PDE4D: variants seen among roughly 807,000 people sequenced by gnomAD.
PDE4D encodes the protein phosphodiesterase 4D, also known as 3',5'-cyclic-AMP phosphodiesterase 4D.
PDE4D carries 24 observed loss-of-function variants against 87.4 expected under a neutral mutation model. The observed-to-expected ratio is 0.27, with a 90% CI of 0.20 to 0.39. The LOEUF is 0.39. Ranked by LOEUF, PDE4D falls within the 10% of genes least tolerant of loss-of-function variation. The pLI is 1.00. For synonymous variants in PDE4D, 384 were observed against 383.2 expected, an observed-to-expected ratio of 1.00 and a Z score of -0.02; for missense variants, 714 against 1,041.0, an observed-to-expected ratio of 0.69 and a Z score of 4.32.
chr5:59,863,032 C>T (rs182412090), intron 1 of PDE4D, among the ~76,000 whole-genome samples: 17 of 152,248 alleles, frequency 1.1e-4, no homozygotes, highest in Admixed American at 9.8e-4. Flanking sequence ...AAACTCTTAT[C>T]GTGTTCTTAA....
chr5:59,402,660 C>T (rs1790877219), intron 1 of PDE4D, among the ~76,000 whole-genome samples: 1 of 152,142 alleles, frequency 6.6e-6, no homozygotes, highest in Non-Finnish European at 1.5e-5. Flanking sequence ...TGCTTTGGTT[C>T]CTTTTATATT....
chr5:59,114,224 T>C (rs998830766), intron 5 of PDE4D, among the ~76,000 whole-genome samples: 1 of 152,182 alleles, frequency 6.6e-6, no homozygotes, highest in African/African-American at 2.4e-5. Context: ...TCACCAAATA[T>C]GATCCCTTTA....
chr5:58,975,725 C>G lies in PDE4D; in HGVS notation c.1945G>C (p.Glu649Gln). 1 of 1,613,414 alleles carries G rather than the reference C, an allele frequency of 6.2e-7. No individual in the cohort carries two copies. The highest frequency in any genetic ancestry group is 8.5e-7 in the Non-Finnish European group (1 of 1,179,568). The change falls in exon 14 of 15, where the codon GAG (glutamate) becomes CAG (glutamine). Residue 649 changes from glutamate (E) to glutamine (Q), a missense_variant. Around this residue, in one of 7 missense-constraint regions of PDE4D, gnomAD observed 97 missense variants for 176.9 expected, o/e 0.55. Transcript: ENST00000340635. The surrounding 1 kb of genome is among the most constrained non-coding windows in gnomAD (Gnocchi z 4.2). ...CTTATCTCCATGCCACGTTCCCTCT[C>G]TCGGTCTCCTTGGCGGAAGAACTCC... ...MEEFFRQGDR[E>Q]RERGMEISPM...
chr5:59,031,707 CAAAAAAAAAA>C lies in PDE4D; in HGVS notation c.921+7142_921+7151del, dbSNP rs70973183. Among the ~76,000 whole-genome samples, 28 of 16,686 alleles carry C rather than the reference CAAAAAAAAAA, an allele frequency of 1.7e-3. No individual in the cohort carries two copies. In the South Asian group the frequency reaches 0.019, roughly 11 times the overall value. The allele number at this position is 16,686 out of a possible 152,430, so 10.9% of individuals were successfully genotyped here. On this transcript the variant is annotated intron_variant, in intron 6 of 14. Coordinates refer to ENST00000340635, the MANE Select transcript of PDE4D (RefSeq NM_001104631.2). Reference sequence around the variant, plus strand: ...TGGGCTACAAAGCGAGACTCCACCTCAAAAAAAAAAAAAAAAAAAAAAAAAAAAGATTACA... The same window carrying C: ...TGGGCTACAAAGCGAGACTCCACCTCAAAAAAAAAAAAAAAAAAGATTACA...
intron 1 of PDE4D, among the ~76,000 whole-genome samples, chr5:60,239,286 G>C (rs1746797538): frequency 1.3e-5 from 2 of 152,028 alleles, no homozygotes; most frequent in African/African-American, 2.4e-5. Flanking sequence ...TCTAAACCTA[G>C]TATATTTATT....
intron 1 of PDE4D, among the ~76,000 whole-genome samples, chr5:59,618,147 G>C (rs144135608): frequency 6.6e-6 from 1 of 152,300 alleles, no homozygotes; most frequent in Non-Finnish European, 1.5e-5. Flanking sequence ...AGTTGGGTGG[G>C]AGAGAGAAGT....
In PDE4D at chr5:59,549,293, G is replaced by A. The variant is rs540211861; in HGVS notation, c.456-333325C>T. 3.2e-4 allele frequency among the ~76,000 whole-genome samples: 48 copies of A among 152,286 alleles called. 1 individual carries two copies. The East Asian group carries it at 5.4e-3, about 17-fold the overall frequency. On this transcript the variant is annotated intron_variant, in intron 1 of 14. Coordinates refer to ENST00000340635, the MANE Select transcript of PDE4D (RefSeq NM_001104631.2). ...AAGTGTTCAACAGCAAATTAAAACTGAGTGTGTTTTTCATTCACTATCACA... is the reference window on the plus strand; with the variant it reads ...AAGTGTTCAACAGCAAATTAAAACTAAGTGTGTTTTTCATTCACTATCACA...
At chr5:60,045,824 T>G (rs1377036580) in intron 2 of PDE4D, among the ~76,000 whole-genome samples, 1 of 152,200 alleles carries the variant, frequency 6.6e-6, no homozygotes, top group Non-Finnish European at 1.5e-5. Context: ...TCTTTTGGCT[T>G]AGGATTGACT....
chr5:59,709,062 T>C (rs937481206), intron 1 of PDE4D, among the ~76,000 whole-genome samples: 2 of 152,088 alleles, frequency 1.3e-5, no homozygotes, highest in Non-Finnish European at 2.9e-5. Context: ...ATCATCTACT[T>C]CTTCTACCCA....
At chr5:59,623,983 A>G (rs1830611625) in intron 1 of PDE4D, among the ~76,000 whole-genome samples, 1 of 150,750 alleles carries the variant, frequency 6.6e-6, no homozygotes, top group South Asian at 2.1e-4. Flanking sequence ...GTTAACTATC[A>G]TAAATATTAT....
chr5:59,956,389 A>C (rs780849619), intron 3 of PDE4D, among the ~76,000 whole-genome samples: 1 of 152,148 alleles, frequency 6.6e-6, no homozygotes, highest in Non-Finnish European at 1.5e-5. Flanking sequence ...TTGCACTGTA[A>C]CTGCAACCAT....
At chr5:59,809,033 C>T (rs1347818090) in intron 1 of PDE4D, among the ~76,000 whole-genome samples, 4 of 152,058 alleles carry the variant, frequency 2.6e-5, no homozygotes, top group Non-Finnish European at 5.9e-5. Context: ...AGTGACATAT[C>T]GAGTCACTAC....
intron 1 of PDE4D, among the ~76,000 whole-genome samples, chr5:59,614,623 A>T (rs1314188673): frequency 1.3e-5 from 2 of 152,188 alleles, no homozygotes; most frequent in Non-Finnish European, 2.9e-5. Context: ...TTACCTAATC[A>T]GACAAGATTA....
At position 59,476,833 on chromosome 5, in the gene PDE4D, CT is replaced by C. The variant is rs563855113; in HGVS notation, c.456-260866del. Among the ~76,000 whole-genome samples, 763 of 152,120 alleles carry C rather than the reference CT, an allele frequency of 5.0e-3. 9 individuals carry two copies. Among genetic ancestry groups the C allele is most frequent in the African/African-American group, 0.018 (747 of 41,528 alleles). On this transcript the variant is annotated intron_variant, in intron 1 of 14. Coordinates refer to ENST00000340635, the MANE Select transcript of PDE4D (RefSeq NM_001104631.2). ...ATCCAAAAATTACAAAATAAATATCCTGTTCTAAATTTTAAGTAGACAAAAT... is the reference window on the plus strand; with the variant it reads ...ATCCAAAAATTACAAAATAAATATCCGTTCTAAATTTTAAGTAGACAAAAT...
chr5:59,254,893 G>A (rs1415728832), intron 1 of PDE4D, among the ~76,000 whole-genome samples: 2 of 152,078 alleles, frequency 1.3e-5, no homozygotes, highest in African/African-American at 2.4e-5. Flanking sequence ...GGAACATTGT[G>A]CCTTAACTTT....
At chr5:59,118,350 A>G (rs551504231) in intron 5 of PDE4D, among the ~76,000 whole-genome samples, 1 of 152,338 alleles carries the variant, frequency 6.6e-6, no homozygotes, top group East Asian at 1.9e-4. Flanking sequence ...CTATCAATTC[A>G]ACCACCTCTC....
Position 59,275,198 on chromosome 5 carries a change from G to A in PDE4D, c.456-59230C>T. On this transcript the variant is annotated intron_variant, in intron 1 of 14. Transcript: ENST00000340635. ...CATTTGGTTAAAGCACATGAGTTTG[G>A]GAACAAAATAAAGAATAAAAGAGCC... 9 of 632,026 alleles carry A rather than the reference G, an allele frequency of 1.4e-5. No homozygotes were observed. In the South Asian group the frequency reaches 2.3e-4, roughly 16 times the overall value. 39.2% of individuals were successfully genotyped at this position (632,026 alleles called of 1,614,324 possible). A position where few individuals can be genotyped will look rare whatever the true frequency, so the allele number is the denominator to read the frequency against.
rs537698054 is a variant in PDE4D at position 59,691,392 on chromosome 5, A to G, written c.455+201776T>C. Among the ~76,000 whole-genome samples the G allele has an allele frequency of 3.1e-3, 470 of 152,282 alleles. 5 individuals are homozygous for G. The highest frequency in any genetic ancestry group is 0.01 in the Middle Eastern group (3 of 294). ...ACACCATGGAATACTATGCAGCCAT[A>G]AAAAATGATGAGTTCATGTCCTTTG... is the stretch of plus-strand genomic sequence containing the variant. On this transcript the variant is annotated intron_variant, in intron 1 of 14. Coordinates refer to ENST00000340635, the MANE Select transcript of PDE4D (RefSeq NM_001104631.2).
At chr5:60,311,386 A>T (rs1755028236) in intron 1 of PDE4D, among the ~76,000 whole-genome samples, 1 of 152,260 alleles carries the variant, frequency 6.6e-6, no homozygotes, top group Non-Finnish European at 1.5e-5. Flanking sequence ...AAACCCTACA[A>T]GCCAGACGAG....
Sources: gnomAD v4.1 joint callset for allele counts (sites outside exome capture counted in the v4.1 genomes callset) on GRCh38, gnomAD v4.1.1 for gene constraint, gnomAD v4.1.1 regional missense constraint, Gnocchi (gnomAD v3.1) non-coding constraint, MANE v1.5 for transcripts, NCBI Gene and HGNC (gene_info 2026-07-23, HGNC 2026-07-21) for gene names.